BRD1: variants seen among roughly 807,000 people sequenced by gnomAD.
The protein encoded by BRD1 is bromodomain-containing protein 1.
A neutral mutation model predicts 107.7 loss-of-function variants in BRD1; 24 were observed. The ratio of observed to expected loss-of-function variants is 0.22; its 90% CI spans 0.16 to 0.31. The LOEUF is 0.31. Among genes scored for constraint, BRD1 ranks in the 10% least tolerant of loss-of-function variants. The pLI is 1.00. For synonymous variants in BRD1, 744 were observed against 686.1 expected (o/e 1.08, Z -1.32); for missense variants, 1,279 against 1,638.6 (o/e 0.78, Z 3.79).
intron 1 of BRD1, among the ~76,000 whole-genome samples, chr22:49,826,796 G>A (rs953560821): frequency 2.6e-5 from 4 of 152,214 alleles, no homozygotes; most frequent in African/African-American, 9.7e-5. Flanking sequence ...GCTTTCTGGG[G>A]AGACGGGGCC....
chr22:49,806,255 C>G (rs1271200312), intron 2 of BRD1: 1 of 152,148 alleles, frequency 6.6e-6, no homozygotes, highest in African/African-American at 2.4e-5. Context: ...AAATTCTGAC[C>G]TCATCACAAC....
At chr22:49,775,448 C>G (rs539826677) in intron 12 of BRD1, 143 bp downstream of exon 12, 7 of 804,192 alleles carry the variant, frequency 8.7e-6, no homozygotes, top group Admixed American at 6.3e-5. Context: ...ACCAGGCAAA[C>G]AGCGGAGCAC....
Position 49,823,046 on chromosome 22 carries a change from G to C in BRD1, c.1272C>G (p.Ser424=), listed in dbSNP as rs750934136. The C allele has an allele frequency of 6.2e-6, 10 of 1,614,138 alleles. No homozygotes were observed. ...CCTTTTTTGCCTTCTTCCTGACCTT[G>C]GATGTGGACCTGACCGTTTTAACCG... is the stretch of plus-strand genomic sequence containing the variant. The part of the protein sequence containing the change: ...ESSVKTVRST[S]KVRKKAKKAK... The change falls in exon 2 of 13, where the codon TCC becomes TCG. Residue 424 remains serine, a synonymous_variant. Transcript: ENST00000404760.
intron 2 of BRD1, among the ~76,000 whole-genome samples, chr22:49,821,643 C>T (rs909284450): frequency 6.6e-6 from 1 of 151,802 alleles, no homozygotes; most frequent in Non-Finnish European, 1.5e-5. Flanking sequence ...CACTCTGTCA[C>T]GCAGGCTGCG....
chr22:49,776,980 A>T (rs2059112743), intron 10 of BRD1, 54 bp downstream of exon 10: 1 of 1,606,986 alleles, frequency 6.2e-7, no homozygotes. Flanking sequence ...GTCGAGCCCT[A>T]AGACGCTAAC....
chr22:49,805,098 G>C (rs2147211793), intron 2 of BRD1, among the ~76,000 whole-genome samples: 1 of 152,318 alleles, frequency 6.6e-6, no homozygotes, highest in Non-Finnish European at 1.5e-5. Context: ...TCCAAGAAGA[G>C]AGACAGAGCT....
chr22:49,807,671 G>T (rs925401636), intron 2 of BRD1, among the ~76,000 whole-genome samples: 1 of 152,106 alleles, frequency 6.6e-6, no homozygotes, highest in African/African-American at 2.4e-5. Context: ...AAACAGAAGG[G>T]AAAAGCTTCA....
rs537916013 is a variant in BRD1 at position 49,776,254 on chromosome 22, C to A, written c.3122-95G>T. Reference sequence around the variant, plus strand: ...AGGTGCAGCAACAGGGTGGGTCCCCCGAGCACAGCCCAGCTCCCAGGCCTT... The same window carrying A: ...AGGTGCAGCAACAGGGTGGGTCCCCAGAGCACAGCCCAGCTCCCAGGCCTT... On this transcript the variant is annotated intron_variant, in intron 10 of 12. Coordinates refer to ENST00000404760, the MANE Select transcript of BRD1 (RefSeq NM_001304808.3). The A allele has an allele frequency of 1.9e-4, 200 of 1,079,070 alleles. 2 individuals carry two copies. The highest frequency in any genetic ancestry group is 1.6e-3 in the Middle Eastern group (7 of 4,378). The allele number at this position is 1,079,070 out of a possible 1,614,324, so 66.8% of individuals were successfully genotyped here. A position where few individuals can be genotyped will look rare whatever the true frequency, so the allele number is the denominator to read the frequency against.
chr22:49,827,095 T>C (rs2060155027), intron 1 of BRD1, among the ~76,000 whole-genome samples: 1 of 151,398 alleles, frequency 6.6e-6, no homozygotes, highest in Non-Finnish European at 1.5e-5. Context: ...GCCTGTCTGT[T>C]ACATAAGGGG....
In BRD1 at chr22:49,775,758, G is replaced by A. The variant is rs754450559; in HGVS notation, c.3232-13C>T. On this transcript the variant is annotated splice_polypyrimidine_tract_variant and intron_variant, in intron 11 of 12. Coordinates refer to ENST00000404760, the MANE Select transcript of BRD1 (RefSeq NM_001304808.3). ...TGGGGTCGATGATCTGCACGAGAAG[G>A]ACCCGCTGAGGTCATTGTGAGGCTC... 2 of 1,586,594 alleles carry A rather than the reference G, an allele frequency of 1.3e-6. No homozygotes were observed. The highest frequency in any genetic ancestry group is 1.7e-6 in the Non-Finnish European group (2 of 1,170,114).
intron 3 of BRD1, among the ~76,000 whole-genome samples, chr22:49,799,428 G>GT (rs1201100977): frequency 6.6e-6 from 1 of 152,196 alleles, no homozygotes; most frequent in African/African-American, 2.4e-5. Context: ...CGGCGGGGGG[G>GT]GCCTTCACAG....
Position 49,792,946 on chromosome 22 carries a change from G to A in BRD1, c.2359+1088C>T, listed in dbSNP as rs944946830. 5.3e-5 allele frequency among the ~76,000 whole-genome samples: 8 copies of A among 152,184 alleles called. No individual in the cohort carries two copies. The highest frequency in any genetic ancestry group is 9.7e-5 in the African/African-American group (4 of 41,440). ...CTGTGTGGCATCATGAAGACACTGC[G>A]TCACTCCGAGCACAGACGTCCATAA... On this transcript the variant is annotated intron_variant, in intron 7 of 12. Transcript: ENST00000404760. The surrounding 1 kb of genome is among the most constrained non-coding windows in gnomAD (Gnocchi z 4.2).
At position 49,776,056 on chromosome 22, in the gene BRD1, C is replaced by T. The variant is rs752628123; in HGVS notation, c.3225G>A (p.Pro1075=). The T allele has an allele frequency of 2.4e-5, 39 of 1,601,230 alleles. No homozygotes were observed. The Admixed American group carries it at 5.4e-4, about 22-fold the overall frequency. ...CCACGAGAGCCGTACTCACCAGTGCCGGGTAGGAGGGGTAGCCGCTGCACT... is the reference window on the plus strand; with the variant it reads ...CCACGAGAGCCGTACTCACCAGTGCTGGGTAGGAGGGGTAGCCGCTGCACT... ...WAKCSGYPSY[P]ALIIDPKMPR... is the part of the protein sequence containing the mutation. Residue 1075 remains proline, a synonymous_variant, in exon 11 of 13, where the codon CCG becomes CCA. Transcript: ENST00000404760.
chr22:49,809,926 A>T (rs1360431807), intron 2 of BRD1, among the ~76,000 whole-genome samples: 2 of 152,216 alleles, frequency 1.3e-5, no homozygotes, highest in Non-Finnish European at 2.9e-5. Context: ...TGACCCAACA[A>T]GCTCATAGAG....
chr22:49,776,288 AC>A, intron 10 of BRD1, 129 bp from the exon 11 acceptor site: 2 of 759,880 alleles, frequency 2.6e-6, no homozygotes, highest in Non-Finnish European at 4.4e-6. Context: ...TTTCTCAGCC[AC>A]CCCGGCAGCA....
chr22:49,800,883 G>C (rs1295876303), intron 3 of BRD1, among the ~76,000 whole-genome samples: 2 of 152,218 alleles, frequency 1.3e-5, no homozygotes, highest in African/African-American at 4.8e-5. Context: ...ACACATGGGG[G>C]AGACACAGGG....
intron 1 of BRD1, among the ~76,000 whole-genome samples, chr22:49,827,290 G>GGCCCGACCTCCCCGGTCTCCCC (rs770008415): frequency 0.011 from 1,623 of 149,372 alleles, 25 homozygotes; most frequent in Middle Eastern, 0.028. Context: ...CCGGCCGCCC[G>GGCCCGACCTCCCCGGTCTCCCC]GCCCGACCTC....
At position 49,777,232 on chromosome 22, in the gene BRD1, T is replaced by C. The variant is rs957311473; in HGVS notation, c.2994-71A>G. ...TCAGCCTCACTCGGGCTTCGTCCCG[T>C]GAGCTGTCCGCCACCAAGCTGGCCA... On this transcript the variant is annotated intron_variant, in intron 9 of 12. Coordinates refer to ENST00000404760, the MANE Select transcript of BRD1 (RefSeq NM_001304808.3). 2.5e-6 allele frequency: 4 copies of C among 1,587,446 alleles called. No individual in the cohort carries two copies. The African/African-American group carries it at 5.4e-5, about 21-fold the overall frequency.
chr22:49,801,958 T>C (rs965378068), intron 3 of BRD1, among the ~76,000 whole-genome samples: 35 of 152,258 alleles, frequency 2.3e-4, no homozygotes, highest in African/African-American at 8.4e-4. Flanking sequence ...AAATGATGAT[T>C]CCCACCGCTG....
Sources: gnomAD v4.1 joint callset for allele counts (sites outside exome capture counted in the v4.1 genomes callset) on GRCh38, gnomAD v4.1.1 for gene constraint, Gnocchi (gnomAD v3.1) non-coding constraint, MANE v1.5 for transcripts, NCBI Gene and HGNC (gene_info 2026-07-23, HGNC 2026-07-21) for gene names.